Variants in PMM1 observed in about 807,000 individuals in gnomAD.
PMM1 encodes the protein phosphomannomutase 1, also known as brain glucose-1,6-bisphosphatase.
PMM1 carries 25 observed loss-of-function variants against 34.0 expected under a neutral mutation model. The ratio of observed to expected loss-of-function variants is 0.73; its 90% CI spans 0.54 to 1.03. PMM1 has a LOEUF of 1.03. PMM1 is among the 50% of genes least tolerant of loss of function. The pLI is 0.00. For missense variants in PMM1, 321 were observed against 350.1 expected, an observed-to-expected ratio of 0.92 and a Z score of 0.66; for synonymous variants, 134 against 143.9, an observed-to-expected ratio of 0.93 and a Z score of 0.49.
intron 5 of PMM1, among the ~76,000 whole-genome samples, chr22:41,583,207 T>C (rs1318366503): frequency 1.3e-5 from 2 of 151,920 alleles, no homozygotes; most frequent in East Asian, 1.9e-4. Flanking sequence ...GGGCTGTGCG[T>C]GGTGGCTCAT....
chr22:41,587,721 G>T (rs2067328020), intron 1 of PMM1, among the ~76,000 whole-genome samples: 2 of 152,264 alleles, frequency 1.3e-5, no homozygotes, highest in Non-Finnish European at 1.5e-5. Flanking sequence ...CTTAATATTT[G>T]CTCTGGGCAA....
intron 1 of PMM1, 58 bp from the exon 2 acceptor site, chr22:41,586,251 C>A (rs978101640): frequency 6.3e-7 from 1 of 1,596,032 alleles, no homozygotes; most frequent in Non-Finnish European, 8.5e-7. Flanking sequence ...GGGACCTCCA[C>A]TTAGCCCTCA....
chr22:41,587,318 T>G (rs1569058174), intron 1 of PMM1, among the ~76,000 whole-genome samples: 1 of 149,048 alleles, frequency 6.7e-6, no homozygotes, highest in Non-Finnish European at 1.5e-5. Flanking sequence ...CAAGCGCCTG[T>G]AATCCCAGCT....
Position 41,584,376 on chromosome 22 carries a change from G to A in PMM1, c.283-4C>T. On this transcript the variant is annotated splice_region_variant and splice_polypyrimidine_tract_variant and intron_variant, in intron 3 of 7. Coordinates refer to ENST00000216259, the MANE Select transcript of PMM1 (RefSeq NM_002676.3). ...CCCCCAGGTGGTTCTGGATGGTCTG[G>A]CCAAGGAACACAGGGCTCTGAGCGT... is the stretch of plus-strand genomic sequence containing the variant. 1 of 1,613,710 alleles carries A rather than the reference G, an allele frequency of 6.2e-7. No individual in the cohort carries two copies. The highest frequency in any genetic ancestry group is 8.5e-7 in the Non-Finnish European group (1 of 1,179,644).
At chr22:41,579,907 T>C (rs1288856304) in intron 5 of PMM1, 1 of 152,232 alleles carries the variant, frequency 6.6e-6, no homozygotes, top group Non-Finnish European at 1.5e-5. Context: ...AGAGAAGTAA[T>C]GAATGACCCC....
chr22:41,578,730 TG>T, intron 6 of PMM1, 75 bp downstream of exon 6: 1 of 1,257,392 alleles, frequency 8.0e-7, no homozygotes, highest in Non-Finnish European at 1.2e-6. Context: ...GGCCACAGCC[TG>T]GTCTTGGCAG....
chr22:41,589,671 T>C, intron 1 of PMM1, 48 bp downstream of exon 1: 2 of 1,492,454 alleles, frequency 1.3e-6, no homozygotes, highest in Admixed American at 1.8e-5. Flanking sequence ...GCCTCGGGGG[T>C]GTCCGCGTGA....
At chr22:41,587,916 T>C (rs1295600931) in intron 1 of PMM1, among the ~76,000 whole-genome samples, 1 of 152,234 alleles carries the variant, frequency 6.6e-6, no homozygotes. Flanking sequence ...CAAAAGGCAC[T>C]AAGCACAGAG....
chr22:41,589,110 C>T (rs2067347987), intron 1 of PMM1: 1 of 1,304,052 alleles, frequency 7.7e-7, no homozygotes, highest in African/African-American at 1.5e-5. Flanking sequence ...CTCTCACATC[C>T]GGGTGGGTAG....
intron 4 of PMM1, 52 bp downstream of exon 4, chr22:41,584,229 C>T (rs1427037118): frequency 3.9e-6 from 6 of 1,531,852 alleles, no homozygotes; most frequent in Non-Finnish European, 5.4e-6. Flanking sequence ...GGGACCCACA[C>T]TTCTCCTCCC....
intron 1 of PMM1, chr22:41,589,032 G>C: frequency 8.0e-7 from 1 of 1,256,032 alleles, no homozygotes; most frequent in Non-Finnish European, 1.1e-6. Flanking sequence ...AGAGTCTTTA[G>C]AAGAAAACTA....
intron 7 of PMM1, 131 bp from the exon 8 acceptor site, chr22:41,577,571 C>A: frequency 9.2e-7 from 1 of 1,091,348 alleles, no homozygotes; most frequent in African/African-American, 1.5e-5. Context: ...CCTTGTCAGA[C>A]CTGCCCTGAC....
chr22:41,589,800 T>C lies in PMM1; in HGVS notation c.6A>G (p.Ala2=). 1.9e-6 allele frequency: 3 copies of C among 1,605,368 alleles called. No homozygotes were observed. The highest frequency in any genetic ancestry group is 1.1e-5 in the South Asian group (1 of 89,616). Residue 2 remains alanine (A), a synonymous_variant, in exon 1 of 8, where the codon GCA becomes GCG. Coordinates refer to ENST00000216259, the MANE Select transcript of PMM1 (RefSeq NM_002676.3). ...TCCTGCGGGCTGCCTGGGCGGTGAC[T>C]GCCATGGCTGCAGGTCCGCGCGCGG... M[A]VTAQAARRKE...
At chr22:41,587,486 T>C (rs2067325273) in intron 1 of PMM1, among the ~76,000 whole-genome samples, 1 of 150,008 alleles carries the variant, frequency 6.7e-6, no homozygotes, top group African/African-American at 2.5e-5. Context: ...TGGTGGCACT[T>C]GCCTGTAGTC....
chr22:41,583,146 G>C (rs1366054854), intron 5 of PMM1, among the ~76,000 whole-genome samples: 3 of 152,110 alleles, frequency 2.0e-5, no homozygotes, highest in Non-Finnish European at 4.4e-5. Flanking sequence ...TTGTAAATGA[G>C]GGGGTGGGGC....
At chr22:41,577,681 C>G (rs2067189581) in intron 7 of PMM1, 127 bp downstream of exon 7, 1 of 782,262 alleles carries the variant, frequency 1.3e-6, no homozygotes, top group South Asian at 1.7e-5. Flanking sequence ...CAGGAGCCCC[C>G]TAAGAGGTCT....
intron 2 of PMM1, among the ~76,000 whole-genome samples, chr22:41,585,773 G>A (rs972624202): frequency 1.3e-5 from 2 of 152,120 alleles, no homozygotes; most frequent in African/African-American, 2.4e-5. Context: ...GATTACAGGC[G>A]TAAGCCACTG....
chr22:41,584,818 C>T (rs779920015), intron 2 of PMM1: 6 of 536,536 alleles, frequency 1.1e-5, no homozygotes, highest in Non-Finnish European at 2.0e-5. Context: ...CCTCTGCACA[C>T]AGGCATCCAT....
At chr22:41,577,559 C>A in intron 7 of PMM1, 119 bp from the exon 8 acceptor site, 1 of 1,213,256 alleles carries the variant, frequency 8.2e-7, no homozygotes, top group South Asian at 1.4e-5. Context: ...CACCTTCTCA[C>A]CCCTTGTCAG....
Sources: allele counts gnomAD v4.1 joint callset (sites outside exome capture counted in the v4.1 genomes callset), GRCh38; gene constraint gnomAD v4.1.1; transcripts MANE v1.5; gene names NCBI Gene and HGNC (gene_info 2026-07-23, HGNC 2026-07-21).